The following NUMB variants were observed in gnomAD, a reference collection of about 807,000 sequenced individuals.
NUMB encodes NUMB endocytic adaptor protein, also known as protein numb homolog.
In NUMB, 29 loss-of-function variants were observed where a neutral mutation model predicts 59.7. The observed-to-expected ratio is 0.49, with a 90% CI of 0.36 to 0.66. The LOEUF (loss-of-function observed/expected upper bound fraction) is 0.66, where lower values mean the gene tolerates loss of function less well. NUMB is among the 30% of genes least tolerant of loss of function. NUMB has a pLI of 0.00. For synonymous variants in NUMB, 288 were observed against 288.2 expected (o/e 1.00, Z 0.01); for missense variants, 723 against 822.0 (o/e 0.88, Z 1.47).
intron 4 of NUMB, among the ~76,000 whole-genome samples, chr14:73,341,366 G>A (rs548335927): frequency 1.3e-5 from 2 of 152,146 alleles, no homozygotes; most frequent in Non-Finnish European, 2.9e-5. Flanking sequence ...AATCTAGGTG[G>A]AAAAGGGTCA....
In NUMB at chr14:73,284,149, A is replaced by G. The variant is rs753445675; in HGVS notation, c.881T>C (p.Leu294Pro). The change falls in exon 10 of 13, where the codon CTA (leucine) becomes CCA (proline). Residue 294 changes from leucine (L) to proline (P), a missense_variant. Leu to Pro is a moderately conservative substitution (Grantham distance 98, BLOSUM62 -3). Around this residue, in one of 2 missense-constraint regions of NUMB, gnomAD observed 317 missense variants for 436.6 expected, o/e 0.73. Coordinates refer to ENST00000555238, the MANE Select transcript of NUMB (RefSeq NM_001005743.2). Reference sequence around the variant, plus strand: ...AGGCAACTCATTGATGCGTAGGGATAGTTGGCGTTTAAAGGGTGACATCTT... The same window carrying G: ...AGGCAACTCATTGATGCGTAGGGATGGTTGGCGTTTAAAGGGTGACATCTT... ...SQKMSPFKRQ[L>P]SLRINELPST... 131 of 1,614,074 alleles carry G rather than the reference A, an allele frequency of 8.1e-5. No homozygotes were observed. The highest frequency in any genetic ancestry group is 1.1e-4 in the Non-Finnish European group (131 of 1,180,044).
chr14:73,395,037 T>TTGTGTGTGTGTGTGTGTGTGTGTGTG (rs3028731), intron 2 of NUMB, among the ~76,000 whole-genome samples: 11 of 119,996 alleles, frequency 9.2e-5, no homozygotes, highest in Non-Finnish European at 1.4e-4. Flanking sequence ...ATTCGTGTGT[T>TTGTGTGTGTGTGTGTGTGTGTGTGTG]TGTGTGTGTG....
chr14:73,281,055 A>AT (rs1226543762), intron 11 of NUMB, among the ~76,000 whole-genome samples: 2 of 150,076 alleles, frequency 1.3e-5, no homozygotes, highest in South Asian at 2.1e-4. Flanking sequence ...TGGCAAAAAA[A>AT]TTTTTTTTTT....
chr14:73,444,851 G>A (rs1305141377), intron 1 of NUMB, among the ~76,000 whole-genome samples: 15 of 95,034 alleles, frequency 1.6e-4, no homozygotes, highest in African/African-American at 4.4e-4. Context: ...GTGACACTCC[G>A]TCTCAAAAAA....
chr14:73,343,052 C>T (rs1289296844), intron 4 of NUMB, among the ~76,000 whole-genome samples: 2 of 151,280 alleles, frequency 1.3e-5, no homozygotes, highest in East Asian at 3.9e-4. Flanking sequence ...AGGCTTCAAA[C>T]TCCTGGGCTC....
At chr14:73,294,364 C>T (rs1341967566) in intron 7 of NUMB, among the ~76,000 whole-genome samples, 2 of 152,098 alleles carry the variant, frequency 1.3e-5, no homozygotes, top group African/African-American at 4.8e-5. Context: ...TGTCACCATA[C>T]GTAGGTAATC....
intron 1 of NUMB, among the ~76,000 whole-genome samples, chr14:73,429,894 G>A (rs1045903330): frequency 2.0e-5 from 3 of 151,064 alleles, no homozygotes; most frequent in Non-Finnish European, 4.4e-5. Flanking sequence ...GTAATGAGCC[G>A]AGATCGCACC....
At chr14:73,383,930 C>G (rs1048365709) in intron 2 of NUMB, among the ~76,000 whole-genome samples, 10 of 151,804 alleles carry the variant, frequency 6.6e-5, no homozygotes, top group Non-Finnish European at 1.3e-4. Flanking sequence ...GGCAGAGGAA[C>G]CGCTTGAACT....
At chr14:73,350,062 T>C (rs990081498) in intron 4 of NUMB, among the ~76,000 whole-genome samples, 9 of 131,016 alleles carry the variant, frequency 6.9e-5, no homozygotes, top group African/African-American at 3.0e-4. Flanking sequence ...CATACATATA[T>C]ACATACATAC....
intron 8 of NUMB, among the ~76,000 whole-genome samples, chr14:73,290,078 G>T (rs1261198470): frequency 6.6e-6 from 1 of 152,110 alleles, no homozygotes; most frequent in African/African-American, 2.4e-5. Flanking sequence ...TAGAACTATT[G>T]GCCTAGGAGA....
At chr14:73,295,214 T>C (rs1889700531) in intron 7 of NUMB, among the ~76,000 whole-genome samples, 2 of 152,046 alleles carry the variant, frequency 1.3e-5, no homozygotes, top group Admixed American at 6.6e-5. Flanking sequence ...TTTGTGCAGA[T>C]CATGGCATGG....
intron 1 of NUMB, among the ~76,000 whole-genome samples, chr14:73,411,752 A>C (rs1896903484): frequency 6.6e-6 from 1 of 152,146 alleles, no homozygotes. Flanking sequence ...TAGTAGCTAA[A>C]AGTAAAAATT....
At chr14:73,386,983 C>T (rs1243381467) in intron 2 of NUMB, among the ~76,000 whole-genome samples, 1 of 145,006 alleles carries the variant, frequency 6.9e-6, no homozygotes, top group Non-Finnish European at 1.5e-5. Context: ...CGGGTTCACG[C>T]CATTCTCCTG....
At chr14:73,331,914 T>C (rs538499154) in intron 4 of NUMB, among the ~76,000 whole-genome samples, 2 of 152,292 alleles carry the variant, frequency 1.3e-5, no homozygotes, top group East Asian at 3.9e-4. Context: ...TATTTCTTCA[T>C]AGCAGCATGA....
intron 1 of NUMB, among the ~76,000 whole-genome samples, chr14:73,432,423 CAATA>C (rs1259349373): frequency 1.3e-5 from 2 of 151,952 alleles, no homozygotes; most frequent in Non-Finnish European, 2.9e-5. Flanking sequence ...GAATGCTACT[CAATA>C]AATAGTGTTG....
chr14:73,407,161 C>CA (rs539925620), intron 2 of NUMB, among the ~76,000 whole-genome samples: 2,050 of 134,814 alleles, frequency 0.015, 31 homozygotes, highest in South Asian at 0.081. Flanking sequence ...TTTTTAAATG[C>CA]AAAAAAAAAA....
At chr14:73,377,700 C>G (rs955333187) in intron 2 of NUMB, among the ~76,000 whole-genome samples, 1 of 151,722 alleles carries the variant, frequency 6.6e-6, no homozygotes, top group Non-Finnish European at 1.5e-5. Context: ...GGCATGGTGG[C>G]TCACGCCTGT....
At chr14:73,327,374 A>G (rs1340475125) in intron 4 of NUMB, among the ~76,000 whole-genome samples, 1 of 152,156 alleles carries the variant, frequency 6.6e-6, no homozygotes, top group South Asian at 2.1e-4. Flanking sequence ...CTCCTGCCTC[A>G]GCCTCCTGAG....
At chr14:73,427,289 T>C (rs1264979481) in intron 1 of NUMB, among the ~76,000 whole-genome samples, 1 of 151,836 alleles carries the variant, frequency 6.6e-6, no homozygotes. Context: ...CTGGCCAACA[T>C]GGTGAAATTT....
Sources: gnomAD v4.1 joint callset for allele counts (sites outside exome capture counted in the v4.1 genomes callset) on GRCh38, gnomAD v4.1.1 for gene constraint, gnomAD v4.1.1 regional missense constraint, MANE v1.5 for transcripts, NCBI Gene and HGNC (gene_info 2026-07-23, HGNC 2026-07-21) for gene names.